CSMD1: variants seen among roughly 807,000 people sequenced by gnomAD.
CSMD1 encodes CUB and Sushi multiple domains 1.
A neutral mutation model predicts 417.5 loss-of-function variants in CSMD1; 213 were observed. The ratio of observed to expected loss-of-function variants is 0.51; its 90% CI spans 0.46 to 0.57. The LOEUF (loss-of-function observed/expected upper bound fraction) is 0.57. CSMD1 is among the 20% of genes least tolerant of loss of function. The pLI, the probability that CSMD1 is intolerant of heterozygous loss-of-function variation, is 0.00. For missense variants in CSMD1, 6,923 were observed against 4,529.7 expected (o/e 1.53, Z -15.17); for synonymous variants, 2,862 against 1,736.8 (o/e 1.65, Z -16.11).
chr8:3,477,303 C>G (rs1241915677), intron 11 of CSMD1, among the ~76,000 whole-genome samples: 1 of 152,128 alleles, frequency 6.6e-6, no homozygotes, highest in Non-Finnish European at 1.5e-5. Context: ...GAAAATTTGA[C>G]AATGGAAACG....
chr8:3,875,848 C>T (rs574293112), intron 5 of CSMD1, among the ~76,000 whole-genome samples: 1 of 152,252 alleles, frequency 6.6e-6, no homozygotes, highest in South Asian at 2.1e-4. Context: ...TCAAGGATTG[C>T]CTTTTGGAAA....
At chr8:3,330,303 C>T (rs188091913) in intron 23 of CSMD1, among the ~76,000 whole-genome samples, 1 of 152,102 alleles carries the variant, frequency 6.6e-6, no homozygotes. Flanking sequence ...TGCATATGTT[C>T]GATGCAGCAG....
In CSMD1 at chr8:3,832,979, A is replaced by T. The variant is rs1441476478; in HGVS notation, c.819-78937T>A. Among the ~76,000 whole-genome samples, 8 of 152,210 alleles carry T rather than the reference A, an allele frequency of 5.3e-5. No individual in the cohort carries two copies. The East Asian group carries it at 1.5e-3, about 29-fold the overall frequency. Reference sequence around the variant, plus strand: ...GTGAATATCAATAATTGAGAAATATAGACACTGTTTTCTTTTTATATTAAA... The same window carrying T: ...GTGAATATCAATAATTGAGAAATATTGACACTGTTTTCTTTTTATATTAAA... On this transcript the variant is annotated intron_variant, in intron 5 of 69. Coordinates refer to ENST00000635120, the MANE Select transcript of CSMD1 (RefSeq NM_033225.6).
At chr8:3,758,532 C>G (rs1290181950) in intron 5 of CSMD1, among the ~76,000 whole-genome samples, 3 of 152,102 alleles carry the variant, frequency 2.0e-5, no homozygotes, top group East Asian at 1.9e-4. Context: ...TCTTATAGCT[C>G]TCATCTGACA....
chr8:2,989,188 C>G (rs1190986158), intron 54 of CSMD1, among the ~76,000 whole-genome samples: 1 of 152,120 alleles, frequency 6.6e-6, no homozygotes, highest in East Asian at 1.9e-4. Flanking sequence ...CAATTTTGTT[C>G]AGCTGCTTTT....
chr8:4,925,398 T>C (rs1473320457), intron 1 of CSMD1, among the ~76,000 whole-genome samples: 1 of 151,936 alleles, frequency 6.6e-6, no homozygotes, highest in Non-Finnish European at 1.5e-5. Context: ...CATGGCATTT[T>C]GTAAAACAAT....
intron 49 of CSMD1, among the ~76,000 whole-genome samples, chr8:3,083,649 T>TATATATATATATATATA (rs58461366): frequency 1.8e-4 from 2 of 11,198 alleles, no homozygotes; most frequent in African/African-American, 6.6e-4. Context: ...TATATATATA[T>TATATATATATATATATA]TTTTTTTTTT....
intron 10 of CSMD1, among the ~76,000 whole-genome samples, chr8:3,519,122 T>G (rs1336513661): frequency 6.6e-6 from 1 of 152,230 alleles, no homozygotes; most frequent in African/African-American, 2.4e-5. Flanking sequence ...ATTTGGGTAC[T>G]GCACAACTTA....
intron 1 of CSMD1, among the ~76,000 whole-genome samples, chr8:4,827,182 G>A (rs563811075): frequency 1.3e-5 from 2 of 152,046 alleles, no homozygotes; most frequent in African/African-American, 2.4e-5. Flanking sequence ...TCGTTGCCAT[G>A]CAATATAACT....
At chr8:3,204,173 G>A (rs1429960942) in intron 31 of CSMD1, among the ~76,000 whole-genome samples, 1 of 152,182 alleles carries the variant, frequency 6.6e-6, no homozygotes, top group Non-Finnish European at 1.5e-5. Context: ...TCGTTTGTGT[G>A]ATTAAACTTT....
chr8:3,717,883 G>A (rs1486920227), intron 6 of CSMD1, among the ~76,000 whole-genome samples: 2 of 152,010 alleles, frequency 1.3e-5, no homozygotes, highest in Admixed American at 6.6e-5. Context: ...ATCAAATTCT[G>A]CTCAGTTTCC....
chr8:3,243,173 C>G (rs1047091250), intron 26 of CSMD1, among the ~76,000 whole-genome samples: 1 of 151,986 alleles, frequency 6.6e-6, no homozygotes, highest in Non-Finnish European at 1.5e-5. Flanking sequence ...GGCCGCTTAC[C>G]CGATTTAAAA....
At chr8:4,167,419 G>C (rs546842577) in intron 3 of CSMD1, among the ~76,000 whole-genome samples, 2 of 152,122 alleles carry the variant, frequency 1.3e-5, no homozygotes, top group African/African-American at 4.8e-5. Flanking sequence ...TCATGTAAAA[G>C]AAATGGTAAT....
chr8:3,813,558 G>C (rs905420109), intron 5 of CSMD1, among the ~76,000 whole-genome samples: 1 of 152,090 alleles, frequency 6.6e-6, no homozygotes, highest in African/African-American at 2.4e-5. Context: ...CAACGTAGGA[G>C]TCTATAACAC....
At chr8:3,031,498 ACTAT>A (rs1173543078) in intron 50 of CSMD1, among the ~76,000 whole-genome samples, 2 of 152,146 alleles carry the variant, frequency 1.3e-5, no homozygotes, top group Admixed American at 6.6e-5. Flanking sequence ...AATAACTTGA[ACTAT>A]CTTTTACAAA....
chr8:3,026,036 C>T (rs537264927), intron 51 of CSMD1, among the ~76,000 whole-genome samples: 1 of 152,074 alleles, frequency 6.6e-6, no homozygotes, highest in Admixed American at 6.6e-5. Context: ...ATCCTCTCCC[C>T]CTGAGTGAGG....
chr8:4,514,439 A>G (rs1442744433), intron 2 of CSMD1, among the ~76,000 whole-genome samples: 2 of 152,190 alleles, frequency 1.3e-5, no homozygotes, highest in Non-Finnish European at 2.9e-5. Flanking sequence ...CCACAGGAAA[A>G]GCCTGATATG....
At chr8:3,739,353 C>A (rs1290035080) in intron 6 of CSMD1, among the ~76,000 whole-genome samples, 6 of 152,182 alleles carry the variant, frequency 3.9e-5, no homozygotes, top group African/African-American at 1.4e-4. Flanking sequence ...CACAGTGTGA[C>A]TGTAGTTAAC....
intron 2 of CSMD1, among the ~76,000 whole-genome samples, chr8:4,422,200 G>C (rs1477373121): frequency 3.9e-5 from 6 of 152,068 alleles, no homozygotes; most frequent in African/African-American, 1.4e-4. Context: ...ATTAACACCA[G>C]TCGTACACAC....
Sources: gnomAD v4.1 joint callset for allele counts (sites outside exome capture counted in the v4.1 genomes callset) on GRCh38, gnomAD v4.1.1 for gene constraint, MANE v1.5 for transcripts, NCBI Gene and HGNC (gene_info 2026-07-23, HGNC 2026-07-21) for gene names.